Variants in SP140 observed in about 807,000 individuals in gnomAD.
SP140 encodes nuclear body protein SP140.
In SP140, 81 loss-of-function variants were observed where a neutral mutation model predicts 125.0. The ratio of observed to expected loss-of-function variants is 0.65; its 90% CI spans 0.54 to 0.78. SP140 has a LOEUF of 0.78. Ranked by LOEUF, SP140 falls within the 30% of genes least tolerant of loss-of-function variation. The pLI, the probability that SP140 is intolerant of heterozygous loss-of-function variation, is 0.00. For synonymous variants in SP140, 312 were observed against 354.0 expected (o/e 0.88, Z 1.33); for missense variants, 858 against 1,037.0 (o/e 0.83, Z 2.37).
chr2:230,215,372 A>C (rs2045009395), intron 3 of SP140, among the ~76,000 whole-genome samples: 1 of 152,234 alleles, frequency 6.6e-6, no homozygotes, highest in South Asian at 2.1e-4. Context: ...TATATTCTGA[A>C]TCCAACTTTC....
chr2:230,212,854 G>T, intron 1 of SP140: 1 of 1,614,090 alleles, frequency 6.2e-7, no homozygotes, highest in East Asian at 2.2e-5. Flanking sequence ...TCGCTTTGCT[G>T]GGAGGATGTT....
At chr2:230,201,056 T>C (rs1268090248), upstream of SP140, 1 of 1,000,818 alleles carries the variant, frequency 1.0e-6, no homozygotes, top group African/African-American at 1.6e-5. Flanking sequence ...CACTCTGAAG[T>C]TGAGTCTTGG....
At chr2:230,217,986 T>C (rs1354649338) in intron 3 of SP140, among the ~76,000 whole-genome samples, 5 of 152,254 alleles carry the variant, frequency 3.3e-5, no homozygotes, top group African/African-American at 1.2e-4. Context: ...ACTTGTTCAC[T>C]GCAACCATTT....
intron 1 of SP140, chr2:230,207,854 T>C (rs41309106): frequency 0.062 from 40,761 of 659,236 alleles, 1,578 homozygotes; most frequent in Middle Eastern, 0.1. Context: ...GAGCTTACAT[T>C]GTGTCACTTC....
intron 4 of SP140, among the ~76,000 whole-genome samples, chr2:230,242,493 C>T (rs921288307): frequency 6.6e-6 from 1 of 152,344 alleles, no homozygotes; most frequent in Middle Eastern, 3.4e-3. Context: ...CAAATCTCCA[C>T]TCTAAATTAT....
At position 230,238,356 on chromosome 2, in the gene SP140, C is replaced by T. The variant is rs760373938; in HGVS notation, c.381C>T (p.Asn127=). 3.5e-5 allele frequency: 56 copies of T among 1,611,350 alleles called. 1 individual carries two copies. The highest frequency in any genetic ancestry group is 1.0e-4 in the Admixed American group (6 of 58,858). The part of the protein sequence containing the change: ...RINLMAYPDL[N]EIYRSFQNVC... ...ACCTGATGGCCTATCCTGATTTAAACGAGATTTACAGAAGCTTCCAGAATG... is the reference window on the plus strand; with the variant it reads ...ACCTGATGGCCTATCCTGATTTAAATGAGATTTACAGAAGCTTCCAGAATG... The change falls in exon 3 of 27, where the codon AAC becomes AAT. Residue 127 remains asparagine (N), a synonymous_variant. Transcript: ENST00000392045.
chr2:230,287,838 T>C (rs2149459412), intron 17 of SP140, 54 bp from the exon 18 acceptor site: 1 of 1,420,836 alleles, frequency 7.0e-7, no homozygotes. Flanking sequence ...AGCTGTAATA[T>C]GTGTAATACA....
the SP140 span, among the ~76,000 whole-genome samples, chr2:230,192,066 C>CAA: frequency 6.6e-6 from 1 of 152,102 alleles, no homozygotes; most frequent in African/African-American, 2.4e-5. Context: ...CAGAAAAGGC[C>CAA]TTTGATAAAA....
At chr2:230,269,698 G>T in intron 13 of SP140, 80 bp downstream of exon 13, 1 of 1,107,720 alleles carries the variant, frequency 9.0e-7, no homozygotes, top group Admixed American at 2.2e-5. Context: ...TAGACTTAAA[G>T]GAAGAGTCAA....
At chr2:230,250,854 A>G (rs1334402460) in intron 9 of SP140, 127 bp from the exon 10 acceptor site, 13 of 939,752 alleles carry the variant, frequency 1.4e-5, no homozygotes, top group African/African-American at 4.9e-5. Flanking sequence ...ACCCACCTAC[A>G]GAACCCACCT....
In SP140 at chr2:230,225,736, C is replaced by T; in HGVS notation, c.-109C>T. The T allele has an allele frequency of 2.2e-6, 2 of 926,264 alleles. No individual in the cohort carries two copies. The highest frequency in any genetic ancestry group is 3.6e-6 in the Non-Finnish European group (2 of 558,608). 57.4% of individuals were successfully genotyped at this position (926,264 alleles called of 1,614,324 possible). A position where few individuals can be genotyped will look rare whatever the true frequency, so the allele number is the denominator to read the frequency against. On this transcript the variant is annotated 5_prime_UTR_variant, in exon 1 of 27. Transcript: ENST00000392045. ...CAGCTAGTTAGGCAATTTCACTTTT[C>T]TTTTCCTCTTTGACTGAGCACCGAG...
chr2:230,310,257 A>AG, intron 23 of SP140: 1 of 564,174 alleles, frequency 1.8e-6, no homozygotes, highest in Non-Finnish European at 3.2e-6. Context: ...TGATATGCTG[A>AG]GGGCAGTGTT....
intron 17 of SP140, 39 bp from the exon 18 acceptor site, chr2:230,287,853 C>T: frequency 6.5e-7 from 1 of 1,547,338 alleles, no homozygotes; most frequent in South Asian, 1.2e-5. Context: ...AATACAGCTG[C>T]TCATAAATGA....
chr2:230,263,029 A>G (rs1482018976), intron 12 of SP140, among the ~76,000 whole-genome samples: 2 of 152,166 alleles, frequency 1.3e-5, no homozygotes, highest in Non-Finnish European at 2.9e-5. Context: ...TTCTTTCTTG[A>G]TGACCTGTCT....
At chr2:230,212,806 C>G in intron 1 of SP140, 1 of 1,614,130 alleles carries the variant, frequency 6.2e-7, no homozygotes, top group Non-Finnish European at 8.5e-7. Flanking sequence ...AGAGGCAGGA[C>G]AGGGTCAGAT....
chr2:230,302,171 G>C (rs1045411472), intron 22 of SP140, among the ~76,000 whole-genome samples: 1 of 151,632 alleles, frequency 6.6e-6, no homozygotes, highest in Non-Finnish European at 1.5e-5. Context: ...GGATCACAAG[G>C]TCAGGAGATC....
At chr2:230,235,506 A>G (rs548577665) in intron 1 of SP140, among the ~76,000 whole-genome samples, 2 of 152,354 alleles carry the variant, frequency 1.3e-5, no homozygotes, top group African/African-American at 2.4e-5. Context: ...AAAGAATTCA[A>G]TGGATAAATG....
chr2:230,282,273 C>G (rs1416584934), intron 15 of SP140, among the ~76,000 whole-genome samples: 1 of 152,104 alleles, frequency 6.6e-6, no homozygotes, highest in Non-Finnish European at 1.5e-5. Context: ...TACATTTGCC[C>G]TATAATCTGG....
chr2:230,298,605 G>T (rs909744473), intron 22 of SP140, among the ~76,000 whole-genome samples: 5 of 152,148 alleles, frequency 3.3e-5, no homozygotes, highest in African/African-American at 1.2e-4. Context: ...TTCCAGCAAA[G>T]GTATGGTCAC....
Sources: allele counts gnomAD v4.1 joint callset (sites outside exome capture counted in the v4.1 genomes callset), GRCh38; gene constraint gnomAD v4.1.1; transcripts MANE v1.5; gene names NCBI Gene and HGNC (gene_info 2026-07-23, HGNC 2026-07-21).